Variants in IK observed in about 807,000 individuals in gnomAD.
The protein encoded by IK is IK cytokine, also known as protein Red.
Under a neutral mutation model 90.9 loss-of-function variants are expected in IK, and 47 were observed. The ratio of observed to expected loss-of-function variants is 0.52; its 90% CI spans 0.41 to 0.66. The LOEUF (loss-of-function observed/expected upper bound fraction) is 0.66, where lower values mean the gene tolerates loss of function less well. Ranked by LOEUF, IK falls within the 30% of genes least tolerant of loss-of-function variation. The probability of loss-of-function intolerance (pLI) is 0.00; values close to 1 mark genes in which losing one functional copy is unlikely to be tolerated. For synonymous variants in IK, 201 were observed against 227.5 expected (o/e 0.88, Z 1.05); for missense variants, 385 against 709.3 (o/e 0.54, Z 5.19).
chr5:140,660,270 T>G (rs2149808438), intron 15 of IK, 75 bp downstream of exon 15: 1 of 846,158 alleles, frequency 1.2e-6, no homozygotes, highest in Non-Finnish European at 1.9e-6. Context: ...GAAATTTGAT[T>G]CGCTAAGTCC....
chr5:140,653,023 C>G lies in IK; in HGVS notation c.283C>G (p.Leu95Val). The G allele has an allele frequency of 1.2e-6, 2 of 1,613,416 alleles. No individual in the cohort carries two copies. Among genetic ancestry groups the G allele is most frequent in the Non-Finnish European group, 1.7e-6 (2 of 1,179,496 alleles). ...ACAAGAAATTGAGAGAGAGAGAGAG[C>G]TAGCAGAGAAGTACCGGGATCGTGC... ...RQQEIERERE[L>V]AEKYRDRAKE... The change falls in exon 5 of 20, where the codon CTA becomes GTA. Residue 95 changes from leucine to valine, a missense_variant. Leu to Val is a conservative substitution (Grantham distance 32, BLOSUM62 1). Transcript: ENST00000417647.
Position 140,661,676 on chromosome 5 carries a change from C to T in IK, c.1470C>T (p.Ser490=), listed in dbSNP as rs1344365954. The T allele has an allele frequency of 6.2e-7, 1 of 1,609,830 alleles. No homozygotes were observed. Among genetic ancestry groups the T allele is most frequent in the Non-Finnish European group, 8.5e-7 (1 of 1,178,044 alleles). ...RWDFDTQEEY[S]EYMNNKEALP... ...ACTTTGATACCCAGGAAGAATACAG[C>T]GAGTATATGAACAACAAAGAAGCTT... Residue 490 remains serine, a synonymous_variant, in exon 17 of 20, where the codon AGC becomes AGT. Transcript: ENST00000417647. The surrounding 1 kb of genome is among the most constrained non-coding windows in gnomAD (Gnocchi z 4.2).
chr5:140,656,868 C>T (rs1757720189), intron 9 of IK, among the ~76,000 whole-genome samples: 1 of 152,194 alleles, frequency 6.6e-6, no homozygotes. Flanking sequence ...TTCATTCTTT[C>T]TATTTTTTTG....
rs1348062477 is a variant in IK, at chr5:140,661,842, A to G, written c.1503-57A>G. On this transcript the variant is annotated intron_variant, in intron 17 of 19. Transcript: ENST00000417647. This position sits in a 1 kb window ranked among gnomAD's most constrained non-coding sequence, Gnocchi z 4.2. ...GTTCTTTGCCCACAGGACTCTGGGA[A>G]AACCTCGCCACTGCTATGCAATCTC... 3.3e-6 allele frequency: 5 copies of G among 1,510,120 alleles called. No individual in the cohort carries two copies. The highest frequency in any genetic ancestry group is 4.8e-5 in the East Asian group (2 of 41,538). The allele number at this position is 1,510,120 out of a possible 1,614,324, so 93.5% of individuals were successfully genotyped here. A position where few individuals can be genotyped will look rare whatever the true frequency, so the allele number is the denominator to read the frequency against.
At position 140,647,914 on chromosome 5, in the gene IK, G is replaced by A. The variant is rs755697876; in HGVS notation, c.6G>A (p.Pro2=). The change falls in exon 1 of 20, where the codon CCG becomes CCA. Residue 2 remains proline (P), a synonymous_variant. Coordinates refer to ENST00000417647, the MANE Select transcript of IK (RefSeq NM_006083.4). M[P]ERDSEPFSNP... ...AGCGAAAGAACGATAACAAAATGCC[G>A]GAGCGAGATAGTAAGGCTCAGGCCA... 6.2e-7 allele frequency: 1 copy of A among 1,613,932 alleles called. No individual in the cohort carries two copies. The highest frequency in any genetic ancestry group is 1.7e-5 in the Admixed American group (1 of 60,010).
At chr5:140,655,681 A>G in intron 8 of IK, 148 bp from the exon 9 acceptor site, 1 of 700,256 alleles carries the variant, frequency 1.4e-6, no homozygotes, top group Non-Finnish European at 2.4e-6. Context: ...TAAAAAGGAT[A>G]ATAATATCCA....
At chr5:140,659,448 GA>G in intron 13 of IK, 115 bp downstream of exon 13, 1 of 1,127,278 alleles carries the variant, frequency 8.9e-7, no homozygotes, top group Non-Finnish European at 1.3e-6. Flanking sequence ...GTTCTTGTAA[GA>G]ACTGTGTCTT....
At chr5:140,657,963 A>G (rs1271864642) in intron 10 of IK, among the ~76,000 whole-genome samples, 1 of 152,212 alleles carries the variant, frequency 6.6e-6, no homozygotes, top group Non-Finnish European at 1.5e-5. Context: ...GACAGATTCT[A>G]AAAAGGCTCT....
chr5:140,647,864 T>C lies in IK; in HGVS notation c.-45T>C. On this transcript the variant is annotated 5_prime_UTR_variant, in exon 1 of 20. Transcript: ENST00000417647. Reference sequence around the variant, plus strand: ...AAAGAGCTTGTCGCTGCGGTGTTGCTGTTGGAGACTCGATTGTTGGTGACA... The same window carrying C: ...AAAGAGCTTGTCGCTGCGGTGTTGCCGTTGGAGACTCGATTGTTGGTGACA... 1 of 1,612,884 alleles carries C rather than the reference T, an allele frequency of 6.2e-7. No homozygotes were observed. Among genetic ancestry groups the C allele is most frequent in the South Asian group, 1.1e-5 (1 of 91,058 alleles).
chr5:140,647,841 A>T lies in IK; in HGVS notation c.-68A>T, dbSNP rs1240591521. On this transcript the variant is annotated 5_prime_UTR_variant, in exon 1 of 20. In the 5' UTR this introduces an upstream ATG that the reference lacks. Transcript: ENST00000417647. ...TTGATTCTGAGGTGCACTGTGGGAA[A>T]GAGCTTGTCGCTGCGGTGTTGCTGT... 3 of 1,594,582 alleles carry T rather than the reference A, an allele frequency of 1.9e-6. No individual in the cohort carries two copies. Among genetic ancestry groups the T allele is most frequent in the Non-Finnish European group, 2.6e-6 (3 of 1,162,194 alleles).
chr5:140,653,284 TTC>T, intron 5 of IK, 140 bp downstream of exon 5: 5 of 606,574 alleles, frequency 8.2e-6, no homozygotes, highest in Middle Eastern at 4.5e-4. Flanking sequence ...CAAAGGGCTG[TTC>T]TTTTTTTTTT....
intron 5 of IK, 133 bp downstream of exon 5, chr5:140,653,277 A>G: frequency 3.2e-6 from 2 of 632,658 alleles, no homozygotes; most frequent in Non-Finnish European, 2.6e-6. Context: ...CCACCCACAA[A>G]GGGCTGTTCT....
intron 5 of IK, among the ~76,000 whole-genome samples, chr5:140,653,507 C>T (rs1483939302): frequency 6.0e-5 from 9 of 151,058 alleles, no homozygotes; most frequent in African/African-American, 1.9e-4. Context: ...AGGCTGGTCT[C>T]GATCTGACCT....
intron 3 of IK, 37 bp downstream of exon 3, chr5:140,651,843 G>C: frequency 7.7e-7 from 1 of 1,291,208 alleles, no homozygotes; most frequent in Non-Finnish European, 1.1e-6. Flanking sequence ...CTCCCAACTT[G>C]TTTCTTGCTC....
chr5:140,658,866 ATC>A, intron 11 of IK, 71 bp from the exon 12 acceptor site: 1 of 1,600,880 alleles, frequency 6.2e-7, no homozygotes, highest in East Asian at 2.2e-5. Context: ...TGACATGAGA[ATC>A]TGGAGAAATG....
chr5:140,649,311 C>T (rs371807705), intron 2 of IK, among the ~76,000 whole-genome samples: 2 of 150,656 alleles, frequency 1.3e-5, no homozygotes, highest in South Asian at 2.1e-4. Context: ...TGAGTTCAAG[C>T]GGTTCTCCTG....
At chr5:140,649,028 G>A in intron 2 of IK, 1 of 172,558 alleles carries the variant, frequency 5.8e-6, no homozygotes, top group South Asian at 1.0e-4. Context: ...GTAGAGATGG[G>A]GTTTCTCCAT....
At chr5:140,654,659 T>C in intron 7 of IK, 22 bp from the exon 8 acceptor site, 2 of 1,594,532 alleles carry the variant, frequency 1.3e-6, no homozygotes, top group Non-Finnish European at 1.7e-6. Flanking sequence ...TTAGCAAAAA[T>C]AAAACTTTTT....
Position 140,648,452 on chromosome 5 carries a change from C to T in IK, c.17-19C>T, listed in dbSNP as rs546721376. The stretch of plus-strand genomic sequence containing the variant: ...ACACGTAAGAGACTGATTAAATTAA[C>T]GTCAATTTTTTTTGTCAGGTGAGCC... On this transcript the variant is annotated intron_variant, in intron 1 of 19. Transcript: ENST00000417647. The T allele has an allele frequency of 2.9e-5, 46 of 1,612,832 alleles. 2 individuals are homozygous for T. The South Asian group carries it at 4.7e-4, about 17-fold the overall frequency.
Sources: allele counts gnomAD v4.1 joint callset (sites outside exome capture counted in the v4.1 genomes callset), GRCh38; gene constraint gnomAD v4.1.1; non-coding constraint Gnocchi (gnomAD v3.1); transcripts MANE v1.5; gene names NCBI Gene and HGNC (gene_info 2026-07-23, HGNC 2026-07-21).